The following PTPRD variants were observed in gnomAD, a reference collection of about 807,000 sequenced individuals.
The protein encoded by PTPRD is protein tyrosine phosphatase receptor type D.
In PTPRD, 34 loss-of-function variants were observed where a neutral mutation model predicts 214.5. The observed-to-expected ratio is 0.16, with a 90% CI of 0.12 to 0.21. The LOEUF (loss-of-function observed/expected upper bound fraction) is 0.21. PTPRD is among the 10% of genes least tolerant of loss of function. The probability of loss-of-function intolerance (pLI) is 1.00; values close to 1 mark genes in which losing one functional copy is unlikely to be tolerated. For missense variants in PTPRD, 2,545 were observed against 2,398.7 expected, an observed-to-expected ratio of 1.06 and a Z score of -1.27; for synonymous variants, 1,128 against 845.7, an observed-to-expected ratio of 1.33 and a Z score of -5.79.
At chr9:10,583,732 C>T (rs941584982) in intron 2 of PTPRD, among the ~76,000 whole-genome samples, 4 of 152,192 alleles carry the variant, frequency 2.6e-5, no homozygotes, top group Admixed American at 6.5e-5. Context: ...CCTGCCTCGG[C>T]CTCCCAAAGT....
chr9:10,009,225 T>C (rs2096548705), intron 4 of PTPRD, among the ~76,000 whole-genome samples: 1 of 151,988 alleles, frequency 6.6e-6, no homozygotes, highest in Non-Finnish European at 1.5e-5. Flanking sequence ...AACTCTGTGA[T>C]ATATTTAAAA....
At chr9:9,066,758 G>C (rs920763908) in intron 10 of PTPRD, among the ~76,000 whole-genome samples, 3 of 152,226 alleles carry the variant, frequency 2.0e-5, no homozygotes, top group Admixed American at 2.0e-4. Flanking sequence ...CCATGGGGTA[G>C]CTATCCAAAG....
intron 11 of PTPRD, among the ~76,000 whole-genome samples, chr9:8,874,226 T>A (rs1182051754): frequency 6.6e-6 from 1 of 152,208 alleles, no homozygotes; most frequent in Non-Finnish European, 1.5e-5. Context: ...GCCCATAACT[T>A]GCATGGTGAC....
chr9:9,703,814 A>C (rs1281427039), intron 7 of PTPRD, among the ~76,000 whole-genome samples: 4 of 152,242 alleles, frequency 2.6e-5, no homozygotes, highest in African/African-American at 4.8e-5. Context: ...AAATGTATAC[A>C]GTATTTTAAA....
chr9:10,208,842 T>G (rs985859671), intron 3 of PTPRD, among the ~76,000 whole-genome samples: 1 of 152,130 alleles, frequency 6.6e-6, no homozygotes, highest in Non-Finnish European at 1.5e-5. Flanking sequence ...GGCAGGTAGA[T>G]GACAAGGCAC....
At chr9:8,926,920 C>A (rs1278012013) in intron 11 of PTPRD, among the ~76,000 whole-genome samples, 2 of 151,934 alleles carry the variant, frequency 1.3e-5, no homozygotes, top group Non-Finnish European at 2.9e-5. Context: ...TCATTTGAGC[C>A]CAGGGAATAA....
chr9:10,343,491 C>G (rs2096986547), intron 2 of PTPRD, among the ~76,000 whole-genome samples: 1 of 151,964 alleles, frequency 6.6e-6, no homozygotes, highest in South Asian at 2.1e-4. Flanking sequence ...GGGTATATAC[C>G]CAGTAACGGG....
chr9:9,767,455 G>C (rs2098716119), intron 5 of PTPRD, among the ~76,000 whole-genome samples: 3 of 152,068 alleles, frequency 2.0e-5, no homozygotes, highest in South Asian at 4.1e-4. Flanking sequence ...TAGAATTGCT[G>C]AGTTGAAGCA....
At position 8,331,761 on chromosome 9, in the gene PTPRD, G is replaced by A. The variant is rs748322850; in HGVS notation, c.5380-25C>T. ...CCTTTAGAAGGAAAGCCACATACCCGGCCGCAAAGGAAGACGCCAGGAGGA... is the reference window on the plus strand; with the variant it reads ...CCTTTAGAAGGAAAGCCACATACCCAGCCGCAAAGGAAGACGCCAGGAGGA... On this transcript the variant is annotated intron_variant, in intron 43 of 45. Coordinates refer to ENST00000381196, the MANE Select transcript of PTPRD (RefSeq NM_002839.4). 53 of 1,547,040 alleles carry A rather than the reference G, an allele frequency of 3.4e-5. No homozygotes were observed. The East Asian group carries it at 6.2e-4, about 18-fold the overall frequency.
chr9:9,276,931 T>C (rs1031102070), intron 9 of PTPRD, among the ~76,000 whole-genome samples: 3 of 151,360 alleles, frequency 2.0e-5, no homozygotes, highest in Admixed American at 1.3e-4. Flanking sequence ...GCCTGGAAAG[T>C]TACTTCCTTC....
intron 32 of PTPRD, among the ~76,000 whole-genome samples, chr9:8,462,121 T>C (rs2096427290): frequency 6.6e-6 from 1 of 152,070 alleles, no homozygotes; most frequent in South Asian, 2.1e-4. Context: ...CAATCATTTC[T>C]AGAGACCCCT....
intron 2 of PTPRD, among the ~76,000 whole-genome samples, chr9:10,355,463 C>A (rs997425376): frequency 1.3e-5 from 2 of 151,086 alleles, no homozygotes; most frequent in Admixed American, 6.6e-5. Context: ...TTAGAAAATA[C>A]TGCTATATTT....
At chr9:10,324,575 C>G (rs1253644885) in intron 3 of PTPRD, among the ~76,000 whole-genome samples, 1 of 151,980 alleles carries the variant, frequency 6.6e-6, no homozygotes, top group East Asian at 1.9e-4. Flanking sequence ...TTGAGCTGAT[C>G]CGACTGTGAA....
intron 14 of PTPRD, among the ~76,000 whole-genome samples, chr9:8,547,660 A>G (rs563292748): frequency 8.4e-4 from 127 of 151,854 alleles, no homozygotes; most frequent in African/African-American, 2.6e-3. Context: ...AAAAAAAAAA[A>G]AGAGAGTGAC....
At chr9:9,638,978 A>T (rs747426401) in intron 7 of PTPRD, among the ~76,000 whole-genome samples, 4 of 152,064 alleles carry the variant, frequency 2.6e-5, no homozygotes, top group Non-Finnish European at 5.9e-5. Context: ...AACCCATGCC[A>T]CTCTGCCCTC....
intron 37 of PTPRD, 136 bp from the exon 38 acceptor site, chr9:8,376,862 T>A (rs2083406826): frequency 2.5e-6 from 3 of 1,178,728 alleles, no homozygotes; most frequent in Non-Finnish European, 3.6e-6. Flanking sequence ...TGCATTTTTG[T>A]TATCCCAATA....
chr9:9,230,857 TG>T, intron 9 of PTPRD, among the ~76,000 whole-genome samples: 1 of 152,276 alleles, frequency 6.6e-6, no homozygotes, highest in Admixed American at 6.5e-5. Context: ...TATCTTTTGT[TG>T]GATAACCTAA....
intron 9 of PTPRD, among the ~76,000 whole-genome samples, chr9:9,313,925 G>C (rs949488349): frequency 9.9e-5 from 15 of 152,086 alleles, no homozygotes; most frequent in Non-Finnish European, 2.1e-4. Flanking sequence ...GTGGAAACAA[G>C]ATTCCTTTGT....
chr9:9,401,286 A>G (rs1416386811), intron 8 of PTPRD, among the ~76,000 whole-genome samples: 1 of 152,102 alleles, frequency 6.6e-6, no homozygotes, highest in Non-Finnish European at 1.5e-5. Flanking sequence ...ACATACACAT[A>G]CGCACACATA....
Sources: allele counts gnomAD v4.1 joint callset (sites outside exome capture counted in the v4.1 genomes callset), GRCh38; gene constraint gnomAD v4.1.1; transcripts MANE v1.5; gene names NCBI Gene and HGNC (gene_info 2026-07-23, HGNC 2026-07-21).